PTPN20: variants seen among roughly 807,000 people sequenced by gnomAD.
PTPN20 encodes the protein tyrosine-protein phosphatase non-receptor type 20.
PTPN20 carries 9 observed loss-of-function variants against 35.0 expected under a neutral mutation model. The observed-to-expected ratio is 0.26, with a 90% CI of 0.15 to 0.45. The LOEUF is 0.45. Among genes scored for constraint, PTPN20 ranks in the 20% least tolerant of loss-of-function variants. The pLI, the probability that PTPN20 is intolerant of heterozygous loss-of-function variation, is 1.00. For missense variants in PTPN20, 111 were observed against 312.5 expected (o/e 0.36, Z 4.86); for synonymous variants, 32 against 100.2 (o/e 0.32, Z 4.06).
At chr10:46,928,290 T>A (rs2038337216) in intron 1 of PTPN20, among the ~76,000 whole-genome samples, 1 of 152,060 alleles carries the variant, frequency 6.6e-6, no homozygotes, top group Non-Finnish European at 1.5e-5. Context: ...CAACTATTTT[T>A]TAATGTTTAA....
At chr10:46,925,913 C>T (rs1178299682) in intron 1 of PTPN20, 22 of 964,334 alleles carry the variant, frequency 2.3e-5, no homozygotes, top group Middle Eastern at 5.3e-4. Flanking sequence ...TATGTGGACC[C>T]ATGGGTATAT....
chr10:46,936,909 ATTGAG>A (rs1344386278), intron 2 of PTPN20, among the ~76,000 whole-genome samples: 4 of 147,618 alleles, frequency 2.7e-5, no homozygotes, highest in Admixed American at 6.8e-5. Flanking sequence ...TTTCCTTATA[ATTGAG>A]TTATCTTTTA....
intron 9 of PTPN20, among the ~76,000 whole-genome samples, chr10:46,988,861 T>A (rs1328262072): frequency 2.6e-5 from 4 of 151,426 alleles, no homozygotes; most frequent in African/African-American, 9.7e-5. Flanking sequence ...TTTTTTTTAA[T>A]AGCTATTGTA....
At chr10:46,952,761 C>T (rs1199573032) in intron 5 of PTPN20, among the ~76,000 whole-genome samples, 1 of 151,872 alleles carries the variant, frequency 6.6e-6, no homozygotes, top group African/African-American at 2.4e-5. Flanking sequence ...CCTTGACACA[C>T]CCTAGAGGAT....
rs2056987701 is a variant in PTPN20, at chr10:46,987,531, CTGT to C, written c.1111_1113del (p.Cys371del). ...TGTTCCTATGTGTGGATGTCGTGTT[CTGT>C]GCCATCGTAAAGAACTGTTCAGTAA... On this transcript the variant is annotated inframe_deletion, in exon 9 of 11. Coordinates refer to ENST00000374339, the MANE Select transcript of PTPN20 (RefSeq NM_001042357.5). The C allele has an allele frequency of 1.8e-4, 7 of 38,290 alleles. No homozygotes were observed. The highest frequency in any genetic ancestry group is 3.6e-4 in the South Asian group (2 of 5,502). 2.4% of individuals were successfully genotyped at this position (38,290 alleles called of 1,614,324 possible). A position where few individuals can be genotyped will look rare whatever the true frequency, so the allele number is the denominator to read the frequency against.
intron 9 of PTPN20, among the ~76,000 whole-genome samples, chr10:46,994,390 G>A (rs1232472239): frequency 1.3e-4 from 19 of 146,366 alleles, no homozygotes; most frequent in African/African-American, 3.3e-4. Context: ...GTGCAGTGGC[G>A]CAATCTCGGC....
In PTPN20 at chr10:47,000,996, A is replaced by G; in HGVS notation, c.*255A>G. 1.8e-6 allele frequency: 1 copy of G among 548,120 alleles called. No homozygotes were observed. The highest frequency in any genetic ancestry group is 2.2e-5 in the South Asian group (1 of 46,256). The allele number at this position is 548,120 out of a possible 1,614,324, so 34.0% of individuals were successfully genotyped here. A position where few individuals can be genotyped will look rare whatever the true frequency, so the allele number is the denominator to read the frequency against. On this transcript the variant is annotated 3_prime_UTR_variant, in exon 11 of 11. Transcript: ENST00000374339. ...TTTCCAGTGAAACAGATGTTACATA[A>G]AACGATTGCAGCTTGGCTATTTGGT...
chr10:46,957,730 ACT>A (rs1395239142), intron 5 of PTPN20, among the ~76,000 whole-genome samples: 3 of 136,464 alleles, frequency 2.2e-5, no homozygotes, highest in Admixed American at 1.5e-4. Context: ...CAACAGTGAA[ACT>A]CTGTCTCAAA....
In PTPN20 at chr10:46,926,666, GGGGTTC is replaced by G. The variant is rs2037515690; in HGVS notation, c.-123-5710_-123-5705del. Among the ~76,000 whole-genome samples the G allele has an allele frequency of 1.1e-4, 16 of 151,208 alleles. No individual in the cohort carries two copies. In the South Asian group the frequency reaches 3.4e-3, roughly 32 times the overall value. On this transcript the variant is annotated intron_variant, in intron 1 of 10. Coordinates refer to ENST00000374339, the MANE Select transcript of PTPN20 (RefSeq NM_001042357.5). The stretch of plus-strand genomic sequence containing the variant: ...TCAACGATTGGATAGAAGGATTCAT[GGGGTTC>G]AGCAGGTAGTCACATTCATGGCTAA...
At chr10:47,003,120 C>T (rs1184866286), downstream of PTPN20, among the ~76,000 whole-genome samples, 1 of 151,948 alleles carries the variant, frequency 6.6e-6, no homozygotes. Flanking sequence ...ATGGATTGCT[C>T]ACTGGAACAC....
chr10:46,999,550 T>A (rs2059739508), intron 9 of PTPN20, among the ~76,000 whole-genome samples: 3 of 152,172 alleles, frequency 2.0e-5, no homozygotes, highest in African/African-American at 7.2e-5. Context: ...ACAGGGATCT[T>A]CATATAAGAA....
intron 1 of PTPN20, among the ~76,000 whole-genome samples, chr10:46,920,245 T>C (rs2034604371): frequency 1.2e-5 from 1 of 83,632 alleles, no homozygotes; most frequent in South Asian, 5.9e-4. Flanking sequence ...GCTTGATAGC[T>C]TATTGTTTTA....
At chr10:47,000,204 A>G (rs1237769647) in intron 10 of PTPN20, among the ~76,000 whole-genome samples, 1 of 152,212 alleles carries the variant, frequency 6.6e-6, no homozygotes, top group Non-Finnish European at 1.5e-5. Context: ...GGAGGAGCCA[A>G]GCCTGAAGTT....
intron 9 of PTPN20, among the ~76,000 whole-genome samples, chr10:46,993,479 C>T (rs1176164904): frequency 2.0e-5 from 3 of 152,146 alleles, no homozygotes; most frequent in Non-Finnish European, 4.4e-5. Context: ...CCAGGCAGGG[C>T]GGTGTTGCCG....
At chr10:46,998,394 A>T (rs898542735) in intron 9 of PTPN20, among the ~76,000 whole-genome samples, 1 of 152,174 alleles carries the variant, frequency 6.6e-6, no homozygotes, top group South Asian at 2.1e-4. Context: ...CTATTGTGCA[A>T]TTTTATTCAT....
chr10:46,911,530 G>GGCAGGGGGCGT (rs2031934109), intron 1 of PTPN20, 29 bp downstream of exon 1: 1 of 211,688 alleles, frequency 4.7e-6, no homozygotes, highest in Non-Finnish European at 9.1e-6. Flanking sequence ...GGGCCAGGTG[G>GGCAGGGGGCGT]GCAGGGGGCG....
chr10:46,977,214 A>G (rs1198284314), intron 7 of PTPN20, among the ~76,000 whole-genome samples: 13 of 152,288 alleles, frequency 8.5e-5, no homozygotes, highest in African/African-American at 2.9e-4. Flanking sequence ...CTGCCTTTGC[A>G]CTCAAGACTA....
At position 47,000,807 on chromosome 10, in the gene PTPN20, G is replaced by A; in HGVS notation, c.*66G>A. On this transcript the variant is annotated 3_prime_UTR_variant, in exon 11 of 11. Transcript: ENST00000374339. ...GTTTGCACCTCCTCATAAAGAACAT[G>A]TTTGCACTGTGCTGAAGGGCTTTGC... 6.3e-7 allele frequency: 1 copy of A among 1,576,836 alleles called. No individual in the cohort carries two copies. Among genetic ancestry groups the A allele is most frequent in the Non-Finnish European group, 8.7e-7 (1 of 1,146,292 alleles).
chr10:46,977,031 T>G (rs368842822), intron 7 of PTPN20, among the ~76,000 whole-genome samples: 53,069 of 145,382 alleles, frequency 0.37, 4,880 homozygotes, highest in East Asian at 0.51. Context: ...CAAATATTAG[T>G]CTAGATGTTG....
Sources: gnomAD v4.1 joint callset for allele counts (sites outside exome capture counted in the v4.1 genomes callset) on GRCh38, gnomAD v4.1.1 for gene constraint, MANE v1.5 for transcripts, NCBI Gene and HGNC (gene_info 2026-07-23, HGNC 2026-07-21) for gene names.